TAS2R1: variants seen among roughly 807,000 people sequenced by gnomAD.
The protein encoded by TAS2R1 is taste receptor type 2 member 1.
For missense variants in TAS2R1, 370 were observed against 353.4 expected, an observed-to-expected ratio of 1.05 and a Z score of -0.38; for synonymous variants, 141 against 134.2, an observed-to-expected ratio of 1.05 and a Z score of -0.35.
the TAS2R1 span, among the ~76,000 whole-genome samples, chr5:9,898,929 G>T: frequency 6.6e-6 from 1 of 152,182 alleles, no homozygotes; most frequent in Non-Finnish European, 1.5e-5. Context: ...ATCTAGTGCA[G>T]ACATTTACAG....
chr5:9,898,967 A>G, the TAS2R1 span, among the ~76,000 whole-genome samples: 1 of 152,356 alleles, frequency 6.6e-6, no homozygotes, highest in African/African-American at 2.4e-5. Context: ...CGGGAAGTGG[A>G]CATGGAACTG....
At chr5:9,724,898 G>T in the TAS2R1 span, among the ~76,000 whole-genome samples, 1 of 152,220 alleles carries the variant, frequency 6.6e-6, no homozygotes. Flanking sequence ...GACTAAATCA[G>T]TCAATTCAGC....
intron 1 of TAS2R1, among the ~76,000 whole-genome samples, chr5:9,666,955 T>TA (rs962187935): frequency 7.2e-5 from 11 of 152,034 alleles, no homozygotes; most frequent in Admixed American, 6.6e-4. Context: ...CGATATTAAC[T>TA]AAAAAATCAA....
chr5:9,758,948 C>A, the TAS2R1 span, among the ~76,000 whole-genome samples: 2 of 152,036 alleles, frequency 1.3e-5, no homozygotes, highest in Non-Finnish European at 1.5e-5. Flanking sequence ...CATGAAAAAA[C>A]GCTGATATTT....
chr5:9,659,577 G>C (rs1211215807), exon 2 of TAS2R1: 2 of 151,468 alleles, frequency 1.3e-5, no homozygotes, highest in Admixed American at 1.3e-4. Context: ...CCCCAGTCAG[G>C]TCTACTGCAG....
At position 9,685,687 on chromosome 5, in the gene TAS2R1, G is replaced by A. The variant is rs552646715; in HGVS notation, c.-241-26106C>T. 2.8e-4 allele frequency among the ~76,000 whole-genome samples: 42 copies of A among 152,256 alleles called. 1 individual carries two copies. Among genetic ancestry groups the A allele is most frequent in the African/African-American group, 9.4e-4 (39 of 41,556 alleles). On this transcript the variant is annotated intron_variant, in intron 1 of 2. Coordinates refer to the TAS2R1 transcript ENST00000506620. ...CACCCATCCAGGTCTGATGGCTGCT[G>A]ATACAATGACATGCTCCAGTGTATG...
the TAS2R1 span, among the ~76,000 whole-genome samples, chr5:9,841,718 C>T: frequency 0.26 from 39,712 of 152,016 alleles, 6,482 homozygotes; most frequent in Non-Finnish European, 0.37. Context: ...TCTACCTGGG[C>T]CATTTTCCAA....
At chr5:9,835,828 C>T in the TAS2R1 span, among the ~76,000 whole-genome samples, 6 of 152,198 alleles carry the variant, frequency 3.9e-5, no homozygotes, top group Non-Finnish European at 7.4e-5. Context: ...CTTAGGATGC[C>T]TTGATCCCAG....
chr5:9,884,148 T>C, the TAS2R1 span: 1 of 152,172 alleles, frequency 6.6e-6, no homozygotes, highest in Non-Finnish European at 1.5e-5. Context: ...TTCATGACAG[T>C]GGAGTCCTCA....
chr5:9,657,376 C>A (rs1561371057), intron 2 of TAS2R1, among the ~76,000 whole-genome samples: 1 of 152,152 alleles, frequency 6.6e-6, no homozygotes, highest in Non-Finnish European at 1.5e-5. Context: ...TTAGTTAGAT[C>A]CTTTTCCCTT....
chr5:9,825,652 T>C, the TAS2R1 span, among the ~76,000 whole-genome samples: 1 of 152,242 alleles, frequency 6.6e-6, no homozygotes, highest in African/African-American at 2.4e-5. Flanking sequence ...TTAGAGTACA[T>C]GGAATTGCTG....
chr5:9,880,190 TAA>T, the TAS2R1 span, among the ~76,000 whole-genome samples: 4 of 152,282 alleles, frequency 2.6e-5, no homozygotes, highest in South Asian at 4.1e-4. Context: ...AGGACCCTGG[TAA>T]AAGTCCTAGG....
chr5:9,756,385 A>G, the TAS2R1 span, among the ~76,000 whole-genome samples: 1 of 152,346 alleles, frequency 6.6e-6, no homozygotes, highest in South Asian at 2.1e-4. Context: ...TAATTATTTC[A>G]TAAGGGTTTG....
At chr5:9,873,423 T>TTA in the TAS2R1 span, among the ~76,000 whole-genome samples, 6 of 151,172 alleles carry the variant, frequency 4.0e-5, no homozygotes, top group East Asian at 1.2e-3. Flanking sequence ...TTTTTTTTTT[T>TTA]AACCTCTTCT....
the TAS2R1 span, among the ~76,000 whole-genome samples, chr5:9,790,517 G>A: frequency 6.6e-6 from 1 of 152,134 alleles, no homozygotes; most frequent in South Asian, 2.1e-4. Flanking sequence ...ATCATCATTT[G>A]TAAGATGCAT....
intron 1 of TAS2R1, among the ~76,000 whole-genome samples, chr5:9,690,496 AT>A (rs1256740873): frequency 6.6e-6 from 1 of 152,068 alleles, no homozygotes; most frequent in Admixed American, 6.6e-5. Context: ...CTTAAAATAT[AT>A]TTTCATTAAA....
At chr5:9,691,234 T>C (rs952862866) in intron 1 of TAS2R1, among the ~76,000 whole-genome samples, 5 of 152,210 alleles carry the variant, frequency 3.3e-5, no homozygotes, top group Non-Finnish European at 7.3e-5. Flanking sequence ...CACAAGGCCC[T>C]GTGAAGACAG....
the TAS2R1 span, among the ~76,000 whole-genome samples, chr5:9,849,533 T>G: frequency 2.6e-5 from 4 of 152,160 alleles, no homozygotes; most frequent in African/African-American, 9.7e-5. Context: ...GCTCTGAAGG[T>G]CATGCTGTCC....
At chr5:9,825,236 G>C in the TAS2R1 span, among the ~76,000 whole-genome samples, 1 of 152,206 alleles carries the variant, frequency 6.6e-6, no homozygotes, top group Non-Finnish European at 1.5e-5. Flanking sequence ...AATTTATAAA[G>C]GAAAGAGGTT....
Sources: gnomAD v4.1 joint callset for allele counts (sites outside exome capture counted in the v4.1 genomes callset) on GRCh38, gnomAD v4.1.1 for gene constraint, MANE v1.5 for transcripts, NCBI Gene and HGNC (gene_info 2026-07-23, HGNC 2026-07-21) for gene names.